WASF3: variants seen among roughly 807,000 people sequenced by gnomAD.
WASF3 encodes actin-binding protein WASF3.
Under a neutral mutation model 46.6 loss-of-function variants are expected in WASF3, and 11 were observed. The ratio of observed to expected loss-of-function variants is 0.24; its 90% CI spans 0.15 to 0.39. The LOEUF (loss-of-function observed/expected upper bound fraction) is 0.39. WASF3 is among the 10% of genes least tolerant of loss of function. The probability of loss-of-function intolerance (pLI) is 1.00; values close to 1 mark genes in which losing one functional copy is unlikely to be tolerated. For synonymous variants in WASF3, 242 were observed against 259.7 expected (o/e 0.93, Z 0.65); for missense variants, 576 against 669.8 (o/e 0.86, Z 1.55).
intron 1 of WASF3, among the ~76,000 whole-genome samples, chr13:26,595,283 T>C (rs1880427140): frequency 2.6e-5 from 4 of 152,226 alleles, no homozygotes; most frequent in Admixed American, 2.6e-4. Context: ...ATGGATCTGC[T>C]CAGCTTTGGC....
intron 1 of WASF3, among the ~76,000 whole-genome samples, chr13:26,588,088 G>C (rs1301924187): frequency 6.6e-6 from 1 of 152,196 alleles, no homozygotes; most frequent in Non-Finnish European, 1.5e-5. Context: ...ACAAGACTCA[G>C]TCTATTAAAT....
At chr13:26,592,279 T>A (rs1383893069) in intron 1 of WASF3, among the ~76,000 whole-genome samples, 1 of 152,196 alleles carries the variant, frequency 6.6e-6, no homozygotes, top group African/African-American at 2.4e-5. Flanking sequence ...TTCCAGAATA[T>A]TGGAAATATT....
the WASF3 span, among the ~76,000 whole-genome samples, chr13:26,546,617 C>T: frequency 1.3e-4 from 20 of 152,154 alleles, no homozygotes; most frequent in Non-Finnish European, 2.2e-4. Context: ...GAAGCTGAGG[C>T]AGGAAAATGG....
At chr13:26,665,256 G>T in intron 4 of WASF3, 94 bp downstream of exon 4, 1 of 1,422,350 alleles carries the variant, frequency 7.0e-7, no homozygotes, top group Non-Finnish European at 9.6e-7. Context: ...CCTTGGGATG[G>T]CATGCTGATA....
chr13:26,636,385 G>T (rs754076682), intron 2 of WASF3, among the ~76,000 whole-genome samples: 1 of 152,200 alleles, frequency 6.6e-6, no homozygotes, highest in Non-Finnish European at 1.5e-5. Flanking sequence ...GTATTTGGGC[G>T]GAAGTGCCCT....
chr13:26,605,502 T>A (rs957334507), intron 1 of WASF3, among the ~76,000 whole-genome samples: 3 of 152,132 alleles, frequency 2.0e-5, no homozygotes, highest in Non-Finnish European at 4.4e-5. Context: ...CATTTTTTTT[T>A]AAACCTCTGC....
At chr13:26,584,922 C>T (rs1315128288) in intron 1 of WASF3, among the ~76,000 whole-genome samples, 1 of 152,072 alleles carries the variant, frequency 6.6e-6, no homozygotes, top group Non-Finnish European at 1.5e-5. Flanking sequence ...GCTGATAGTT[C>T]TGATAACTCA....
chr13:26,625,392 G>A (rs1044276441), intron 2 of WASF3, among the ~76,000 whole-genome samples: 1 of 152,176 alleles, frequency 6.6e-6, no homozygotes, highest in African/African-American at 2.4e-5. Context: ...GTGCCTAGCT[G>A]ATGGTATAAC....
rs1444380559 is a variant in WASF3 at position 26,686,797 on chromosome 13, G to A, written c.*952G>A. On this transcript the variant is annotated 3_prime_UTR_variant, in exon 10 of 10. Transcript: ENST00000335327. Reference sequence around the variant, plus strand: ...CCTGAGTGAGCCGCAGGAGTTCTTAGCTCCTCAGCGAGCAACAGAGAGCAC... The same window carrying A: ...CCTGAGTGAGCCGCAGGAGTTCTTAACTCCTCAGCGAGCAACAGAGAGCAC... The A allele has an allele frequency of 6.6e-6, 1 of 152,278 alleles. No homozygotes were observed. The highest frequency in any genetic ancestry group is 1.5e-5 in the Non-Finnish European group (1 of 68,070). The allele number at this position is 152,278 out of a possible 1,614,324, so 9.4% of individuals were successfully genotyped here. A position where few individuals can be genotyped will look rare whatever the true frequency, so the allele number is the denominator to read the frequency against.
At chr13:26,553,641 C>T (rs942499345), upstream of WASF3, among the ~76,000 whole-genome samples, 12 of 151,842 alleles carry the variant, frequency 7.9e-5, no homozygotes, top group South Asian at 2.1e-4. Flanking sequence ...CACAGTGAAA[C>T]GCCGTCTCTA....
At chr13:26,595,177 C>T (rs948332055) in intron 1 of WASF3, among the ~76,000 whole-genome samples, 5 of 152,152 alleles carry the variant, frequency 3.3e-5, no homozygotes, top group South Asian at 2.1e-4. Context: ...TCAGGAGGAA[C>T]GTACTTTGAC....
intron 1 of WASF3, among the ~76,000 whole-genome samples, chr13:26,566,897 G>A (rs1428682652): frequency 6.6e-6 from 1 of 152,218 alleles, no homozygotes. Flanking sequence ...TGGCCACAGT[G>A]AAAGGAAATC....
chr13:26,593,543 G>T (rs1880366617), intron 1 of WASF3, among the ~76,000 whole-genome samples: 1 of 152,026 alleles, frequency 6.6e-6, no homozygotes, highest in South Asian at 2.1e-4. Flanking sequence ...TTATGTAATT[G>T]ATAATATTCT....
chr13:26,568,505 CTGAT>C lies in WASF3; in HGVS notation c.-109+10689_-109+10692del, dbSNP rs533518593. Among the ~76,000 whole-genome samples the C allele has an allele frequency of 9.6e-4, 146 of 152,270 alleles. 1 individual carries two copies. The highest frequency in any genetic ancestry group is 3.4e-3 in the African/African-American group (142 of 41,548). On this transcript the variant is annotated intron_variant, in intron 1 of 9. Coordinates refer to ENST00000335327, the MANE Select transcript of WASF3 (RefSeq NM_006646.6). The stretch of plus-strand genomic sequence containing the variant: ...AATTTAGAGGGGGCTGATGAAGACT[CTGAT>C]TGTATATCAGAGCTCTGAGATTCTT...
the WASF3 span, among the ~76,000 whole-genome samples, chr13:26,552,065 T>G: frequency 1.3e-5 from 2 of 152,166 alleles, no homozygotes; most frequent in Non-Finnish European, 2.9e-5. Context: ...TCTCAGAATA[T>G]TGTGCACACA....
chr13:26,576,957 A>G (rs145784057), intron 1 of WASF3: 31 of 742,042 alleles, frequency 4.2e-5, no homozygotes, highest in African/African-American at 4.1e-4. Flanking sequence ...TGGTTGATCC[A>G]TTTTCTAAGA....
chr13:26,611,652 T>A (rs1880982001), intron 1 of WASF3, among the ~76,000 whole-genome samples: 1 of 152,224 alleles, frequency 6.6e-6, no homozygotes, highest in Admixed American at 6.5e-5. Flanking sequence ...TAATTTTCTG[T>A]ATTTGGAAAT....
intron 4 of WASF3, among the ~76,000 whole-genome samples, chr13:26,666,347 A>T (rs1311741820): frequency 6.6e-6 from 1 of 152,208 alleles, no homozygotes; most frequent in Non-Finnish European, 1.5e-5. Flanking sequence ...ATTAATTGGT[A>T]AATTAAATTT....
intron 2 of WASF3, among the ~76,000 whole-genome samples, chr13:26,639,331 C>T (rs1024260165): frequency 1.3e-5 from 2 of 152,122 alleles, no homozygotes; most frequent in African/African-American, 4.8e-5. Context: ...ATTAATTAGT[C>T]AAAGCTGAAA....
Sources: allele counts gnomAD v4.1 joint callset (sites outside exome capture counted in the v4.1 genomes callset), GRCh38; gene constraint gnomAD v4.1.1; transcripts MANE v1.5; gene names NCBI Gene and HGNC (gene_info 2026-07-23, HGNC 2026-07-21).